Variants in DLG2 observed in about 807,000 individuals in gnomAD.
The protein encoded by DLG2 is discs large MAGUK scaffold protein 2, also known as disks large homolog 2.
DLG2 carries 45 observed loss-of-function variants against 132.5 expected under a neutral mutation model. That is an observed-to-expected ratio of 0.34 (90% CI 0.27 to 0.44). DLG2 has a LOEUF of 0.44. DLG2 is among the 20% of genes least tolerant of loss of function. The probability of loss-of-function intolerance (pLI) is 1.00; values close to 1 mark genes in which losing one functional copy is unlikely to be tolerated. For synonymous variants in DLG2, 424 were observed against 419.6 expected, an observed-to-expected ratio of 1.01 and a Z score of -0.13; for missense variants, 1,045 against 1,196.9, an observed-to-expected ratio of 0.87 and a Z score of 1.87.
chr11:84,077,618 C>T (rs2096847004), intron 10 of DLG2, among the ~76,000 whole-genome samples: 2 of 152,150 alleles, frequency 1.3e-5, no homozygotes, highest in South Asian at 2.1e-4. Context: ...TAAATAGTAG[C>T]AAAGGATATC....
intron 3 of DLG2, among the ~76,000 whole-genome samples, chr11:85,362,315 AAT>A (rs1300461024): frequency 2.6e-5 from 4 of 152,006 alleles, no homozygotes; most frequent in Non-Finnish European, 5.9e-5. Context: ...TCCCTGATTT[AAT>A]ATGTCCCTAG....
intron 6 of DLG2, among the ~76,000 whole-genome samples, chr11:84,828,589 C>G (rs559218798): frequency 2.0e-5 from 3 of 151,884 alleles, no homozygotes; most frequent in Non-Finnish European, 2.9e-5. Context: ...CATCTCCTGT[C>G]ATTGATCTTC....
At chr11:85,418,259 G>C (rs868795025) in intron 3 of DLG2, among the ~76,000 whole-genome samples, 4 of 152,182 alleles carry the variant, frequency 2.6e-5, no homozygotes, top group Admixed American at 6.6e-5. Context: ...GGTTTTGAGA[G>C]AGTTTCTTAA....
chr11:84,565,102 C>G (rs572313793), intron 6 of DLG2, among the ~76,000 whole-genome samples: 38 of 151,926 alleles, frequency 2.5e-4, no homozygotes, highest in Non-Finnish European at 4.7e-4. Context: ...CCTTCAAACT[C>G]AAAAATAAAA....
chr11:84,800,733 T>C (rs1208987299), intron 6 of DLG2: 1 of 152,246 alleles, frequency 6.6e-6, no homozygotes, highest in Non-Finnish European at 1.5e-5. Flanking sequence ...TTCCTTCTCT[T>C]TTCTCTAGTT....
At position 83,786,782 on chromosome 11, in the gene DLG2, A is replaced by T; in HGVS notation, c.1733T>A (p.Ile578Asn). The T allele has an allele frequency of 6.2e-7, 1 of 1,614,074 alleles. No individual in the cohort carries two copies. The highest frequency in any genetic ancestry group is 1.3e-5 in the African/African-American group (1 of 75,060). Reference protein sequence around the residue: ...RGDQILSVNGIDLRGASHEQA... With the variant: ...RGDQILSVNGNDLRGASHEQA... Reference sequence around the variant, plus strand: ...CTCGTGGGATGCACCACGGAGGTCAATGCCATTCACCTGAAAGAGAGGAAG... The same window carrying T: ...CTCGTGGGATGCACCACGGAGGTCATTGCCATTCACCTGAAAGAGAGGAAG... The change falls in exon 18 of 28, where the codon ATT (isoleucine) becomes AAT (asparagine). Residue 578 changes from isoleucine (I) to asparagine (N), a missense_variant. This residue lies in a region of DLG2 where 398 missense variants were observed against 543.6 expected (regional missense o/e 0.73). Transcript: ENST00000376104.
chr11:84,525,515 C>T (rs2099317649), intron 7 of DLG2, among the ~76,000 whole-genome samples: 1 of 152,160 alleles, frequency 6.6e-6, no homozygotes, highest in Non-Finnish European at 1.5e-5. Flanking sequence ...ATCTATCCTT[C>T]CCTTCAACCC....
intron 3 of DLG2, among the ~76,000 whole-genome samples, chr11:85,471,503 G>A (rs1291258825): frequency 6.6e-6 from 1 of 152,076 alleles, no homozygotes. Flanking sequence ...TAAGGAACAA[G>A]ACAGCATGAA....
chr11:84,312,760 G>A (rs2098300850), intron 7 of DLG2, among the ~76,000 whole-genome samples: 1 of 152,026 alleles, frequency 6.6e-6, no homozygotes, highest in Non-Finnish European at 1.5e-5. Context: ...ACAGTAGTAG[G>A]AGAGATATCT....
intron 7 of DLG2, among the ~76,000 whole-genome samples, chr11:84,489,620 A>G (rs1255315933): frequency 1.3e-5 from 2 of 152,100 alleles, no homozygotes; most frequent in Non-Finnish European, 2.9e-5. Flanking sequence ...CATTTCAACC[A>G]AAGCAAAACG....
intron 7 of DLG2, among the ~76,000 whole-genome samples, chr11:84,284,569 C>T (rs544550807): frequency 2.0e-5 from 3 of 152,268 alleles, no homozygotes; most frequent in African/African-American, 7.2e-5. Context: ...GTAGGTGGGA[C>T]CCCAGGTCTT....
chr11:84,962,721 C>G (rs17147832), intron 6 of DLG2, among the ~76,000 whole-genome samples: 5,410 of 152,278 alleles, frequency 0.036, 294 homozygotes, highest in African/African-American at 0.12. Context: ...TTAGAGTCAT[C>G]TGTTTCAACA....
At chr11:84,845,110 C>G (rs2081290433) in intron 6 of DLG2, among the ~76,000 whole-genome samples, 1 of 152,060 alleles carries the variant, frequency 6.6e-6, no homozygotes, top group Admixed American at 6.6e-5. Context: ...AGAATATTCT[C>G]AGTTAACCTA....
chr11:83,986,430 G>A (rs959044954), intron 11 of DLG2, among the ~76,000 whole-genome samples: 5 of 151,244 alleles, frequency 3.3e-5, no homozygotes, highest in Admixed American at 6.6e-5. Flanking sequence ...TGGTGTATAT[G>A]TGCCACATTT....
chr11:84,360,374 C>T (rs2154419926), intron 7 of DLG2, among the ~76,000 whole-genome samples: 1 of 151,918 alleles, frequency 6.6e-6, no homozygotes. Flanking sequence ...CTTATACTTC[C>T]AAGGCTCAAA....
At chr11:85,518,592 C>G (rs183585407) in intron 3 of DLG2, among the ~76,000 whole-genome samples, 1 of 152,134 alleles carries the variant, frequency 6.6e-6, no homozygotes, top group Non-Finnish European at 1.5e-5. Context: ...AAATTTGCAG[C>G]CTGACAATGT....
chr11:85,431,862 G>T (rs933463604), intron 3 of DLG2, among the ~76,000 whole-genome samples: 2 of 152,208 alleles, frequency 1.3e-5, no homozygotes, highest in African/African-American at 2.4e-5. Flanking sequence ...ATCCAACTAG[G>T]TAAGAGCCCC....
At chr11:84,379,780 TA>T (rs557695623) in intron 7 of DLG2, among the ~76,000 whole-genome samples, 38 of 143,368 alleles carry the variant, frequency 2.7e-4, no homozygotes, top group South Asian at 6.6e-4. Flanking sequence ...GAGGTATTAC[TA>T]AAAAAAAAAA....
chr11:83,642,813 G>A (rs2066962763), intron 18 of DLG2, among the ~76,000 whole-genome samples: 1 of 151,944 alleles, frequency 6.6e-6, no homozygotes, highest in African/African-American at 2.4e-5. Flanking sequence ...TTTTTAGTGT[G>A]GATTTTGCAT....
Sources: gnomAD v4.1 joint callset for allele counts (sites outside exome capture counted in the v4.1 genomes callset) on GRCh38, gnomAD v4.1.1 for gene constraint, gnomAD v4.1.1 regional missense constraint, MANE v1.5 for transcripts, NCBI Gene and HGNC (gene_info 2026-07-23, HGNC 2026-07-21) for gene names.